PIK3C3: variants seen among roughly 807,000 people sequenced by gnomAD.
PIK3C3 encodes the protein PI3-kinase type 3.
A neutral mutation model predicts 126.1 loss-of-function variants in PIK3C3; 95 were observed. The observed-to-expected ratio is 0.75, with a 90% CI of 0.64 to 0.89. PIK3C3 has a LOEUF of 0.89. Among genes scored for constraint, PIK3C3 ranks in the 40% least tolerant of loss-of-function variants. The pLI is 0.00. For missense variants in PIK3C3, 829 were observed against 1,063.2 expected (o/e 0.78, Z 3.06); for synonymous variants, 374 against 360.0 (o/e 1.04, Z -0.44).
chr18:42,075,299 CAA>C (rs1985933502), intron 24 of PIK3C3, among the ~76,000 whole-genome samples: 1 of 151,984 alleles, frequency 6.6e-6, no homozygotes, highest in African/African-American at 2.4e-5. Context: ...TAATCTAAAA[CAA>C]ATTATTTTTA....
In PIK3C3 at chr18:42,082,808, C is replaced by T. The variant is rs1349318960; in HGVS notation, c.*1671C>T. On this transcript the variant is annotated 3_prime_UTR_variant, in exon 25 of 25. Transcript: ENST00000262039. ...TATGATCCCAATAGCATCAACTTAACTCTGCTAACTGGAAGGCAAAAGTGT... is the reference window on the plus strand; with the variant it reads ...TATGATCCCAATAGCATCAACTTAATTCTGCTAACTGGAAGGCAAAAGTGT... The T allele has an allele frequency of 6.6e-6, 1 of 152,174 alleles. No homozygotes were observed. The highest frequency in any genetic ancestry group is 2.4e-5 in the African/African-American group (1 of 41,434). 9.4% of individuals were successfully genotyped at this position (152,174 alleles called of 1,614,324 possible).
At chr18:42,040,641 A>G in intron 18 of PIK3C3, 36 bp from the exon 19 acceptor site, 1 of 1,397,632 alleles carries the variant, frequency 7.2e-7, no homozygotes, top group Non-Finnish European at 1.0e-6. Flanking sequence ...CTTAACCAGT[A>G]GCTATGCTTA....
At chr18:42,053,282 A>T (rs1372233920) in intron 21 of PIK3C3, among the ~76,000 whole-genome samples, 4 of 152,196 alleles carry the variant, frequency 2.6e-5, no homozygotes, top group Admixed American at 2.6e-4. Flanking sequence ...GCAAAATATT[A>T]GTCTCAATTA....
chr18:42,004,237 A>G (rs1416727268), intron 9 of PIK3C3, 119 bp from the exon 10 acceptor site: 3 of 685,330 alleles, frequency 4.4e-6, no homozygotes, highest in African/African-American at 1.8e-5. Flanking sequence ...GTGCTTACAC[A>G]AGGAGTCTAT....
At chr18:42,004,303 C>G (rs962631177) in intron 9 of PIK3C3, 53 bp from the exon 10 acceptor site, 2 of 1,429,502 alleles carry the variant, frequency 1.4e-6, no homozygotes, top group Non-Finnish European at 9.7e-7. Flanking sequence ...TAGTCAACTT[C>G]TCTATCCCAG....
At chr18:41,970,188 A>G in intron 3 of PIK3C3, 139 bp from the exon 4 acceptor site, 1 of 686,854 alleles carries the variant, frequency 1.5e-6, no homozygotes, top group South Asian at 1.9e-5. Context: ...ATTGCTTTAC[A>G]TTCCATTGGG....
At chr18:41,996,209 G>A (rs960806382) in intron 8 of PIK3C3, among the ~76,000 whole-genome samples, 17 of 152,116 alleles carry the variant, frequency 1.1e-4, no homozygotes, top group African/African-American at 3.9e-4. Context: ...TGCATATACT[G>A]TATACTTTCA....
intron 5 of PIK3C3, 128 bp from the exon 6 acceptor site, chr18:41,990,331 A>G: frequency 1.6e-6 from 1 of 637,564 alleles, no homozygotes; most frequent in East Asian, 2.8e-5. Context: ...ATAAAATAAA[A>G]ATGTGTTATG....
chr18:41,965,352 G>A (rs1980303497), intron 3 of PIK3C3, among the ~76,000 whole-genome samples: 1 of 152,174 alleles, frequency 6.6e-6, no homozygotes, highest in African/African-American at 2.4e-5. Context: ...TGTAGTTGTG[G>A]GAGGGACAAT....
rs145511294 is a variant in PIK3C3 at position 41,976,716 on chromosome 18, A to C, written c.531+6260A>C. 5.6e-4 allele frequency among the ~76,000 whole-genome samples: 85 copies of C among 152,368 alleles called. 1 individual carries two copies. The South Asian group carries it at 6.4e-3, about 12-fold the overall frequency. The stretch of plus-strand genomic sequence containing the variant: ...GTTTAAAGGATTTAGCATACTGCTC[A>C]GCAAATACTGAGCACTAATAAATGT... On this transcript the variant is annotated intron_variant, in intron 4 of 24. Transcript: ENST00000262039.
intron 6 of PIK3C3, among the ~76,000 whole-genome samples, chr18:41,992,905 C>T (rs1422208256): frequency 1.3e-5 from 2 of 152,108 alleles, no homozygotes; most frequent in Admixed American, 1.3e-4. Context: ...CCACATTTTA[C>T]ATATAGTCTG....
At chr18:42,039,589 A>G (rs976525107) in intron 18 of PIK3C3, among the ~76,000 whole-genome samples, 1 of 152,134 alleles carries the variant, frequency 6.6e-6, no homozygotes, top group Non-Finnish European at 1.5e-5. Context: ...TGTTTTATCT[A>G]ATGCATTGTG....
rs1986418261 is a variant in PIK3C3 at position 42,087,299 on chromosome 18, A to G, written c.*6162A>G. On this transcript the variant is annotated 3_prime_UTR_variant, in exon 25 of 25. Coordinates refer to ENST00000262039, the MANE Select transcript of PIK3C3 (RefSeq NM_002647.4). The stretch of plus-strand genomic sequence containing the variant: ...GACTGGTTGGTGGTGAATGCGCCAA[A>G]TTTTATAGTCCGGTTTGAGGAGGTG... 1.3e-5 allele frequency: 2 copies of G among 152,244 alleles called. No homozygotes were observed. Among genetic ancestry groups the G allele is most frequent in the Admixed American group, 6.5e-5 (1 of 15,270 alleles). The allele number at this position is 152,244 out of a possible 1,614,324, so 9.4% of individuals were successfully genotyped here.
intron 3 of PIK3C3, among the ~76,000 whole-genome samples, chr18:41,963,226 A>G (rs1980186654): frequency 6.6e-6 from 1 of 152,322 alleles, no homozygotes; most frequent in African/African-American, 2.4e-5. Flanking sequence ...ATTTTTCACT[A>G]AAGAACTTGG....
intron 22 of PIK3C3, among the ~76,000 whole-genome samples, chr18:42,059,404 G>A (rs977747481): frequency 1.1e-4 from 16 of 152,114 alleles, no homozygotes; most frequent in African/African-American, 3.9e-4. Flanking sequence ...TAATATCTGC[G>A]ATTTTTAATT....
At chr18:42,056,189 T>C (rs1985057050) in intron 21 of PIK3C3, among the ~76,000 whole-genome samples, 1 of 152,154 alleles carries the variant, frequency 6.6e-6, no homozygotes, top group Non-Finnish European at 1.5e-5. Flanking sequence ...ATGAATTTTC[T>C]TAAAACATTA....
At chr18:42,005,740 A>AG (rs1982513429) in intron 10 of PIK3C3, among the ~76,000 whole-genome samples, 1 of 145,282 alleles carries the variant, frequency 6.9e-6, no homozygotes, top group Admixed American at 7.1e-5. Flanking sequence ...TCTGAATTTC[A>AG]AGAAGCAAAT....
chr18:42,060,018 G>C (rs1985246172), intron 22 of PIK3C3: 1 of 152,024 alleles, frequency 6.6e-6, no homozygotes, highest in Non-Finnish European at 1.5e-5. Flanking sequence ...CAAGCTGTCT[G>C]CCCACCTTGG....
At chr18:41,991,068 C>T (rs1369851231) in intron 6 of PIK3C3, among the ~76,000 whole-genome samples, 1 of 152,074 alleles carries the variant, frequency 6.6e-6, no homozygotes, top group Non-Finnish European at 1.5e-5. Flanking sequence ...TGGGTAATAA[C>T]AAATATGCAG....
Sources: gnomAD v4.1 joint callset for allele counts (sites outside exome capture counted in the v4.1 genomes callset) on GRCh38, gnomAD v4.1.1 for gene constraint, MANE v1.5 for transcripts, NCBI Gene and HGNC (gene_info 2026-07-23, HGNC 2026-07-21) for gene names.